Variants in MUCL1 observed in about 807,000 individuals in gnomAD.
MUCL1 encodes mucin-like protein 1.
In MUCL1, 11 loss-of-function variants were observed where a neutral mutation model predicts 9.2. That is an observed-to-expected ratio of 1.19 (90% CI 0.75 to 1.97). The LOEUF is 1.97. Among genes scored for constraint, MUCL1 ranks in the 30% most tolerant of loss-of-function variants. MUCL1 has a pLI of 0.00. For missense variants in MUCL1, 144 were observed against 110.9 expected (o/e 1.30, Z -1.34); for synonymous variants, 48 against 40.5 (o/e 1.19, Z -0.71).
rs1206745329 is a variant in MUCL1, at chr12:54,856,784, G to C, written c.115G>C (p.Asp39His). The C allele has an allele frequency of 6.8e-6, 11 of 1,612,426 alleles. No individual in the cohort carries two copies. Among genetic ancestry groups the C allele is most frequent in the Admixed American group, 1.7e-5 (1 of 59,634 alleles). The stretch of plus-strand genomic sequence containing the variant: ...TCTAATTTCAGCTGGTCCTGCTGAT[G>C]ATGAAGCCCCTGATGCTGAAACCAC... ...DTYPATGPAD[D>H]EAPDAETTAA... The change falls in exon 3 of 4, where the codon GAT becomes CAT. Residue 39 changes from aspartate (D) to histidine (H), a missense_variant. Asp to His is a moderately conservative substitution (Grantham distance 81). Transcript: ENST00000308796.
chr12:54,840,140 T>C (rs575818468), intron 1 of MUCL1, among the ~76,000 whole-genome samples: 6 of 152,176 alleles, frequency 3.9e-5, no homozygotes, highest in African/African-American at 1.4e-4. Context: ...TGCTAAGGAA[T>C]GTCTGCAAGG....
At chr12:54,836,204 A>G (rs550887045), upstream of MUCL1, among the ~76,000 whole-genome samples, 11 of 152,276 alleles carry the variant, frequency 7.2e-5, no homozygotes, top group East Asian at 1.7e-3. Context: ...CTGTGAATCT[A>G]CCTGGCTGTG....
At chr12:54,855,276 G>A in intron 2 of MUCL1, 119 bp downstream of exon 2, 1 of 830,202 alleles carries the variant, frequency 1.2e-6, no homozygotes, top group South Asian at 1.5e-5. Flanking sequence ...CTAAGCAAAA[G>A]TCTGTGAAAG....
chr12:54,851,460 C>G (rs1321107506), upstream of MUCL1, among the ~76,000 whole-genome samples: 13 of 152,114 alleles, frequency 8.5e-5, no homozygotes, highest in African/African-American at 1.4e-4. Flanking sequence ...ATTCAACAAC[C>G]CTTCGTGCTA....
intron 1 of MUCL1, among the ~76,000 whole-genome samples, chr12:54,848,114 T>A (rs1287747903): frequency 6.6e-6 from 1 of 151,610 alleles, no homozygotes; most frequent in East Asian, 1.9e-4. Flanking sequence ...AACTCAGCTG[T>A]GTGCCCTTGA....
chr12:54,857,943 C>T (rs920042202), intron 3 of MUCL1, among the ~76,000 whole-genome samples: 6 of 152,138 alleles, frequency 3.9e-5, no homozygotes, highest in Admixed American at 2.6e-4. Context: ...AAAACTCATA[C>T]GTATTGACTT....
chr12:54,853,440 G>T (rs1305199500), upstream of MUCL1, among the ~76,000 whole-genome samples: 1 of 152,136 alleles, frequency 6.6e-6, no homozygotes, highest in Non-Finnish European at 1.5e-5. Context: ...CTCAACAACT[G>T]CAGAGAAGTC....
At position 54,855,100 on chromosome 12, in the gene MUCL1, C is replaced by T; in HGVS notation, c.59-16C>T. On this transcript the variant is annotated splice_polypyrimidine_tract_variant and intron_variant, in intron 1 of 3. Transcript: ENST00000308796. The stretch of plus-strand genomic sequence containing the variant: ...GTATTCAGCTAACATCTTAATTTTT[C>T]CTTCTTCTCTTTCAGAGAATCCGAC... The T allele has an allele frequency of 1.2e-6, 2 of 1,612,192 alleles. No individual in the cohort carries two copies. Among genetic ancestry groups the T allele is most frequent in the Non-Finnish European group, 1.7e-6 (2 of 1,178,850 alleles).
intron 1 of MUCL1, among the ~76,000 whole-genome samples, chr12:54,832,633 AC>A (rs144083162): frequency 0.012 from 1,821 of 152,196 alleles, 33 homozygotes; most frequent in African/African-American, 0.041. Flanking sequence ...ACAATCTCTA[AC>A]AATCGGATGC....
At chr12:54,851,227 C>A (rs1959334220), upstream of MUCL1, among the ~76,000 whole-genome samples, 1 of 152,130 alleles carries the variant, frequency 6.6e-6, no homozygotes, top group Admixed American at 6.5e-5. Flanking sequence ...GACATGAAGT[C>A]CTTGCCCATG....
chr12:54,856,656 T>G, intron 2 of MUCL1, 114 bp from the exon 3 acceptor site: 2 of 1,384,024 alleles, frequency 1.4e-6, no homozygotes, highest in Non-Finnish European at 2.0e-6. Flanking sequence ...ACAGAACTGA[T>G]GACAGATTTG....
intron 1 of MUCL1, among the ~76,000 whole-genome samples, chr12:54,846,811 T>C (rs1408722609): frequency 6.8e-6 from 1 of 146,482 alleles, no homozygotes; most frequent in Non-Finnish European, 1.5e-5. Flanking sequence ...ATAATGACTA[T>C]GCTCACTTGT....
intron 1 of MUCL1, among the ~76,000 whole-genome samples, chr12:54,844,679 T>C (rs1959233685): frequency 6.6e-6 from 1 of 152,242 alleles, no homozygotes; most frequent in Non-Finnish European, 1.5e-5. Flanking sequence ...AATAACATCT[T>C]ACTCAATTTC....
intron 1 of MUCL1, among the ~76,000 whole-genome samples, chr12:54,840,245 A>T (rs1275831028): frequency 1.3e-5 from 2 of 152,200 alleles, no homozygotes; most frequent in Non-Finnish European, 2.9e-5. Flanking sequence ...GAGTCTGTGA[A>T]ATTCCTTGGT....
intron 1 of MUCL1, among the ~76,000 whole-genome samples, chr12:54,841,222 TCA>T (rs1959209851): frequency 6.6e-6 from 1 of 152,256 alleles, no homozygotes; most frequent in East Asian, 1.9e-4. Context: ...TCTATCTGTC[TCA>T]GAATTTCTTT....
upstream of MUCL1, among the ~76,000 whole-genome samples, chr12:54,834,907 C>T (rs1959190411): frequency 6.6e-6 from 1 of 151,996 alleles, no homozygotes; most frequent in Admixed American, 6.6e-5. Flanking sequence ...TTCCACTCTC[C>T]TCCATTCTGA....
chr12:54,837,601 T>TAA (rs574160821), upstream of MUCL1, among the ~76,000 whole-genome samples: 1 of 150,292 alleles, frequency 6.7e-6, no homozygotes, highest in Admixed American at 6.6e-5. Flanking sequence ...CTGTCTCTAC[T>TAA]AAAAAAAAAT....
intron 1 of MUCL1, among the ~76,000 whole-genome samples, chr12:54,840,294 G>A (rs1447140267): frequency 6.6e-6 from 1 of 152,222 alleles, no homozygotes; most frequent in African/African-American, 2.4e-5. Context: ...TCAAATACCA[G>A]CTGCAGTAGT....
At chr12:54,842,082 A>C (rs1360607891) in intron 1 of MUCL1, among the ~76,000 whole-genome samples, 2 of 152,138 alleles carry the variant, frequency 1.3e-5, no homozygotes, top group Non-Finnish European at 2.9e-5. Context: ...CAATTTATGC[A>C]ATTGCCTTCA....
Sources: allele counts gnomAD v4.1 joint callset (sites outside exome capture counted in the v4.1 genomes callset), GRCh38; gene constraint gnomAD v4.1.1; transcripts MANE v1.5; gene names NCBI Gene and HGNC (gene_info 2026-07-23, HGNC 2026-07-21).